THRB: variants seen among roughly 807,000 people sequenced by gnomAD.
The protein encoded by THRB is nuclear receptor subfamily 1 group A member 2.
In THRB, 12 loss-of-function variants were observed where a neutral mutation model predicts 47.8. The ratio of observed to expected loss-of-function variants is 0.25; its 90% CI spans 0.16 to 0.41. The LOEUF is 0.41. THRB is among the 10% of genes least tolerant of loss of function. The pLI is 1.00. For missense variants in THRB, 348 were observed against 589.2 expected (o/e 0.59, Z 4.24); for synonymous variants, 218 against 212.2 (o/e 1.03, Z -0.24).
chr3:24,443,697 C>CA (rs2071775752), intron 1 of THRB, among the ~76,000 whole-genome samples: 1 of 152,008 alleles, frequency 6.6e-6, no homozygotes. Context: ...AGATCAAAGG[C>CA]AAAACTTATG....
intron 1 of THRB, among the ~76,000 whole-genome samples, chr3:24,445,396 G>A (rs183717344): frequency 2.8e-4 from 43 of 152,220 alleles, no homozygotes; most frequent in Admixed American, 7.9e-4. Context: ...TTTGACTGGA[G>A]TAGCAAAGGT....
chr3:24,271,461 G>A (rs764832491), intron 3 of THRB, among the ~76,000 whole-genome samples: 4 of 152,194 alleles, frequency 2.6e-5, no homozygotes, highest in Non-Finnish European at 2.9e-5. Flanking sequence ...GGTTACTACA[G>A]GGCTTTTGCA....
intron 4 of THRB, among the ~76,000 whole-genome samples, chr3:24,223,477 T>C (rs1429326784): frequency 6.6e-6 from 1 of 152,188 alleles, no homozygotes; most frequent in African/African-American, 2.4e-5. Flanking sequence ...AATTAAAAGC[T>C]TTTGTATGAC....
chr3:24,375,304 ATAT>A (rs1244015703), intron 1 of THRB, among the ~76,000 whole-genome samples: 3 of 147,478 alleles, frequency 2.0e-5, no homozygotes, highest in African/African-American at 4.9e-5. Flanking sequence ...TAGAAATATA[ATAT>A]TAATATATTA....
At chr3:24,359,434 C>T (rs1042122715) in intron 1 of THRB, among the ~76,000 whole-genome samples, 7 of 152,110 alleles carry the variant, frequency 4.6e-5, no homozygotes, top group African/African-American at 1.7e-4. Flanking sequence ...GGTCTAGCCT[C>T]AGAAGTCACT....
intron 2 of THRB, among the ~76,000 whole-genome samples, chr3:24,297,988 G>A (rs1392126978): frequency 6.6e-6 from 1 of 151,986 alleles, no homozygotes; most frequent in East Asian, 1.9e-4. Flanking sequence ...ATCTCTGGGG[G>A]GCAGATTTTC....
chr3:24,391,389 C>T (rs2066558192), intron 1 of THRB, among the ~76,000 whole-genome samples: 1 of 152,114 alleles, frequency 6.6e-6, no homozygotes, highest in Non-Finnish European at 1.5e-5. Context: ...GCAATGAAAA[C>T]GTTTACTCTC....
At chr3:24,263,689 AT>A (rs1559768589) in intron 3 of THRB, among the ~76,000 whole-genome samples, 1 of 151,634 alleles carries the variant, frequency 6.6e-6, no homozygotes, top group Non-Finnish European at 1.5e-5. Context: ...CTCAATAAAC[AT>A]TTATAGAATA....
Position 24,393,295 on chromosome 3 carries a change from C to A in THRB, c.-260-55924G>T, listed in dbSNP as rs192586063. Among the ~76,000 whole-genome samples, 838 of 152,268 alleles carry A rather than the reference C, an allele frequency of 5.5e-3. 3 individuals are homozygous for A. Among genetic ancestry groups the A allele is most frequent in the Middle Eastern group, 0.017 (5 of 294 alleles). The stretch of plus-strand genomic sequence containing the variant: ...AGACGACTGAATACCCACTATCACT[C>A]AAAGAACCATGCCAGATCCCATCAC... On this transcript the variant is annotated intron_variant, in intron 1 of 10. Coordinates refer to ENST00000646209, the MANE Select transcript of THRB (RefSeq NM_001354712.2).
chr3:24,322,854 C>G (rs569212203), intron 2 of THRB, among the ~76,000 whole-genome samples: 73 of 152,274 alleles, frequency 4.8e-4, no homozygotes, highest in African/African-American at 1.7e-3. Context: ...TAATCTTTCA[C>G]AGAAAAGATT....
intron 3 of THRB, among the ~76,000 whole-genome samples, chr3:24,243,944 C>T (rs1253346520): frequency 6.6e-6 from 1 of 152,030 alleles, no homozygotes; most frequent in Admixed American, 6.6e-5. Flanking sequence ...AATAAATTTT[C>T]TCAAAAATGA....
intron 3 of THRB, among the ~76,000 whole-genome samples, chr3:24,250,814 G>A (rs544435287): frequency 6.6e-6 from 1 of 152,228 alleles, no homozygotes; most frequent in Admixed American, 6.5e-5. Flanking sequence ...CAAAGATTAA[G>A]TAGATATAAA....
chr3:24,143,695 C>T lies in THRB; in HGVS notation c.544G>A (p.Asp182Asn), dbSNP rs771430170. Residue 182 changes from aspartate to asparagine, a missense_variant, in exon 8 of 11, where the codon GAC becomes AAC. Around this residue, in one of 5 missense-constraint regions of THRB, gnomAD observed 112 missense variants for 212.3 expected, o/e 0.53. Transcript: ENST00000646209. The stretch of plus-strand genomic sequence containing the variant: ...TTCCTCTTGGCCAGCCTCTTGCTGT[C>T]ATCCAGCACCACTGGGAGGGGGAGA... ...VGMATDLVLD[D>N]SKRLAKRKLI... The T allele has an allele frequency of 6.2e-7, 1 of 1,614,098 alleles. No individual in the cohort carries two copies. The highest frequency in any genetic ancestry group is 1.1e-5 in the South Asian group (1 of 91,070).
chr3:24,312,533 G>T (rs978011638), intron 2 of THRB, among the ~76,000 whole-genome samples: 1 of 152,164 alleles, frequency 6.6e-6, no homozygotes, highest in Non-Finnish European at 1.5e-5. Context: ...TGCTTCCTAC[G>T]TATACGCCCA....
chr3:24,399,939 C>A (rs1560102904), intron 1 of THRB, among the ~76,000 whole-genome samples: 1 of 152,026 alleles, frequency 6.6e-6, no homozygotes, highest in Non-Finnish European at 1.5e-5. Flanking sequence ...CTCACCAGAA[C>A]TTTTTTCTCT....
chr3:24,143,922 C>A, intron 7 of THRB: 1 of 594,282 alleles, frequency 1.7e-6, no homozygotes, highest in Non-Finnish European at 3.0e-6. Context: ...CTCCCCATGA[C>A]CGGCCAGCTT....
At chr3:24,490,511 A>C (rs1697977472) in intron 1 of THRB, among the ~76,000 whole-genome samples, 1 of 152,174 alleles carries the variant, frequency 6.6e-6, no homozygotes, top group East Asian at 1.9e-4. Flanking sequence ...TTGCTAGGCT[A>C]TGGGGAGTCA....
chr3:24,420,294 C>T (rs1336732495), intron 1 of THRB, among the ~76,000 whole-genome samples: 1 of 151,972 alleles, frequency 6.6e-6, no homozygotes, highest in African/African-American at 2.4e-5. Flanking sequence ...GCAGTCAACT[C>T]AGCATGGGGC....
chr3:24,248,525 C>T (rs930525818), intron 3 of THRB, among the ~76,000 whole-genome samples: 2 of 152,130 alleles, frequency 1.3e-5, no homozygotes, highest in Non-Finnish European at 2.9e-5. Context: ...CCAGATCCAC[C>T]CTTCTTTGCT....
Sources: allele counts gnomAD v4.1 joint callset (sites outside exome capture counted in the v4.1 genomes callset), GRCh38; gene constraint gnomAD v4.1.1; regional missense constraint gnomAD v4.1.1; transcripts MANE v1.5; gene names NCBI Gene and HGNC (gene_info 2026-07-23, HGNC 2026-07-21).